The following PPP1R12A variants were observed in gnomAD, a reference collection of about 807,000 sequenced individuals.
The protein encoded by PPP1R12A is protein phosphatase 1 regulatory subunit 12A.
Under a neutral mutation model 139.6 loss-of-function variants are expected in PPP1R12A, and 19 were observed. The ratio of observed to expected loss-of-function variants is 0.14; its 90% CI spans 0.09 to 0.20. The LOEUF is 0.20. PPP1R12A is among the 10% of genes least tolerant of loss of function. PPP1R12A has a pLI of 1.00. For synonymous variants in PPP1R12A, 427 were observed against 420.6 expected, an observed-to-expected ratio of 1.02 and a Z score of -0.19; for missense variants, 925 against 1,211.5, an observed-to-expected ratio of 0.76 and a Z score of 3.51.
chr12:79,842,264 G>A (rs867535956), intron 3 of PPP1R12A, among the ~76,000 whole-genome samples: 1 of 152,092 alleles, frequency 6.6e-6, no homozygotes, highest in Admixed American at 6.6e-5. Flanking sequence ...AGGCTATAGT[G>A]AGCCATGATT....
intron 4 of PPP1R12A, among the ~76,000 whole-genome samples, chr12:79,830,969 T>TC (rs978192726): frequency 5.9e-5 from 9 of 151,962 alleles, no homozygotes; most frequent in Non-Finnish European, 1.2e-4. Context: ...TTTATCCTGA[T>TC]CCCCCCTAAG....
chr12:79,877,148 T>C (rs1883187732), intron 1 of PPP1R12A, among the ~76,000 whole-genome samples: 1 of 152,180 alleles, frequency 6.6e-6, no homozygotes, highest in African/African-American at 2.4e-5. Context: ...ATATTTCAAG[T>C]GGAGGGAAGA....
intron 2 of PPP1R12A, among the ~76,000 whole-genome samples, chr12:79,855,209 T>C (rs1880501953): frequency 6.6e-6 from 1 of 151,844 alleles, no homozygotes; most frequent in Non-Finnish European, 1.5e-5. Flanking sequence ...AGGATGGCCT[T>C]GATCTCCTGA....
intron 1 of PPP1R12A, among the ~76,000 whole-genome samples, chr12:79,877,012 G>GA (rs11417001): frequency 0.21 from 31,188 of 150,338 alleles, 5,806 homozygotes; most frequent in African/African-American, 0.49. Context: ...CTCCATCTCA[G>GA]AAAAAAAAAG....
At chr12:79,807,793 C>CTT (rs1310574965) in intron 11 of PPP1R12A, among the ~76,000 whole-genome samples, 1 of 151,994 alleles carries the variant, frequency 6.6e-6, no homozygotes, top group African/African-American at 2.4e-5. Context: ...TAACCCAGCA[C>CTT]TTTGAGAGGC....
chr12:79,885,499 TGGTGGCA>T (rs1884022701), intron 1 of PPP1R12A, among the ~76,000 whole-genome samples: 2 of 152,188 alleles, frequency 1.3e-5, no homozygotes, highest in South Asian at 2.1e-4. Context: ...GTGCCACTTT[TGGTGGCA>T]GGTGGCAGGT....
intron 3 of PPP1R12A, among the ~76,000 whole-genome samples, chr12:79,842,309 G>A (rs772395085): frequency 3.9e-5 from 6 of 151,992 alleles, no homozygotes; most frequent in East Asian, 1.9e-4. Flanking sequence ...CAAAACAAAC[G>A]AAAACAAAAC....
upstream of PPP1R12A, chr12:79,935,319 G>GGGTGT: frequency 9.6e-7 from 1 of 1,041,248 alleles, no homozygotes; most frequent in South Asian, 3.6e-5. Context: ...AGAGGGAAGC[G>GGGTGT]GGTGTGGCCC....
At chr12:79,904,781 T>C (rs377234806) in intron 1 of PPP1R12A, among the ~76,000 whole-genome samples, 33 of 152,304 alleles carry the variant, frequency 2.2e-4, no homozygotes, top group African/African-American at 7.7e-4. Context: ...CAGCACTAGG[T>C]GACTGGTGCT....
At chr12:79,856,960 C>CA (rs916493658) in intron 2 of PPP1R12A, among the ~76,000 whole-genome samples, 11 of 152,116 alleles carry the variant, frequency 7.2e-5, no homozygotes, top group Non-Finnish European at 1.5e-4. Context: ...CAGTGGTAGC[C>CA]AGTTAAAAGA....
At chr12:79,827,814 T>A (rs944145662) in intron 5 of PPP1R12A, among the ~76,000 whole-genome samples, 3 of 152,124 alleles carry the variant, frequency 2.0e-5, no homozygotes, top group African/African-American at 7.2e-5. Flanking sequence ...ATCTCAATGA[T>A]CCCCTTTGGC....
chr12:79,887,002 A>G (rs1452872084), intron 1 of PPP1R12A, among the ~76,000 whole-genome samples: 1 of 152,142 alleles, frequency 6.6e-6, no homozygotes, highest in Non-Finnish European at 1.5e-5. Flanking sequence ...GATACAAAAT[A>G]AATTGAACTT....
In PPP1R12A at chr12:79,796,832, A is replaced by G. The variant is rs200167333; in HGVS notation, c.2411T>C (p.Val804Ala). The G allele has an allele frequency of 4.8e-5, 78 of 1,611,816 alleles. No individual in the cohort carries two copies. The South Asian group carries it at 5.4e-4, about 11-fold the overall frequency. ...TCTGGAGTAAGCAGAAGTTATGCCT[A>G]CAAGACTATTTGGCCTGTTTAGTTG... ...SSQLNRPNSL[V>A]GITSAYSRGI... Residue 804 changes from valine to alanine, a missense_variant, in exon 17 of 25, where the codon GTA becomes GCA. Transcript: ENST00000450142.
intron 1 of PPP1R12A, among the ~76,000 whole-genome samples, chr12:79,931,168 T>G (rs1240345513): frequency 6.6e-6 from 1 of 152,194 alleles, no homozygotes; most frequent in Non-Finnish European, 1.5e-5. Context: ...AAACGTAAAA[T>G]TATAATACTG....
Position 79,832,313 on chromosome 12 carries a change from T to C in PPP1R12A, c.647+19A>G, listed in dbSNP as rs781094876. 3 of 1,576,840 alleles carry C rather than the reference T, an allele frequency of 1.9e-6. No individual in the cohort carries two copies. In the Admixed American group the frequency reaches 5.9e-5, roughly 31 times the overall value. ...AAGACAAACTAAAATAGAAAAACTC[T>C]GTAAAAAACAATACTTACTTTAAAA... is the stretch of plus-strand genomic sequence containing the variant. On this transcript the variant is annotated intron_variant, in intron 4 of 24. Transcript: ENST00000450142.
intron 22 of PPP1R12A, 168 bp from the exon 23 acceptor site, chr12:79,782,030 T>G (rs1870516019): frequency 2.4e-6 from 1 of 410,616 alleles, no homozygotes; most frequent in South Asian, 8.1e-5. Context: ...TAATAAAGAG[T>G]GCAATGAATG....
intron 1 of PPP1R12A, among the ~76,000 whole-genome samples, chr12:79,893,007 G>A (rs1295984314): frequency 3.3e-5 from 5 of 151,994 alleles, no homozygotes; most frequent in Admixed American, 2.6e-4. Context: ...AGGAGGCTGA[G>A]GCAGGAGAAC....
intron 2 of PPP1R12A, among the ~76,000 whole-genome samples, chr12:79,861,418 C>A (rs1031157134): frequency 6.6e-6 from 1 of 152,204 alleles, no homozygotes; most frequent in African/African-American, 2.4e-5. Context: ...GTGATTTCTG[C>A]ATTTCCAACT....
At chr12:79,875,152 T>C (rs1882977794) in intron 1 of PPP1R12A, among the ~76,000 whole-genome samples, 1 of 152,222 alleles carries the variant, frequency 6.6e-6, no homozygotes, top group African/African-American at 2.4e-5. Flanking sequence ...TATCTGTATG[T>C]GAATATAAGT....
Sources: allele counts gnomAD v4.1 joint callset (sites outside exome capture counted in the v4.1 genomes callset), GRCh38; gene constraint gnomAD v4.1.1; transcripts MANE v1.5; gene names NCBI Gene and HGNC (gene_info 2026-07-23, HGNC 2026-07-21).